REPS1: variants seen among roughly 807,000 people sequenced by gnomAD.
REPS1 encodes ralBP1-associated Eps domain-containing protein 1.
A neutral mutation model predicts 100.9 loss-of-function variants in REPS1; 39 were observed. That is an observed-to-expected ratio of 0.39 (90% CI 0.30 to 0.50). The LOEUF (loss-of-function observed/expected upper bound fraction) is 0.50, where lower values mean the gene tolerates loss of function less well. Among genes scored for constraint, REPS1 ranks in the 20% least tolerant of loss-of-function variants. The pLI, the probability that REPS1 is intolerant of heterozygous loss-of-function variation, is 0.86. For synonymous variants in REPS1, 324 were observed against 340.3 expected, an observed-to-expected ratio of 0.95 and a Z score of 0.53; for missense variants, 821 against 968.5, an observed-to-expected ratio of 0.85 and a Z score of 2.02.
chr6:138,970,952 G>C (rs776925557), intron 1 of REPS1, among the ~76,000 whole-genome samples: 1 of 152,016 alleles, frequency 6.6e-6, no homozygotes, highest in Non-Finnish European at 1.5e-5. Flanking sequence ...AGTAACACCA[G>C]AAGCAAAAAG....
Position 138,933,634 on chromosome 6 carries a change from A to C in REPS1, c.1136-3536T>G, listed in dbSNP as rs1445720501. Among the ~76,000 whole-genome samples the C allele has an allele frequency of 3.9e-5, 6 of 152,340 alleles. No homozygotes were observed. The East Asian group carries it at 9.6e-4, about 24-fold the overall frequency. On this transcript the variant is annotated intron_variant, in intron 8 of 19. Coordinates refer to ENST00000450536, the MANE Select transcript of REPS1 (RefSeq NM_001286611.2). Reference sequence around the variant, plus strand: ...ATGACAATTTCGTTGTCTTCTATTAAGACAGATGTAAAAGAAATTTGCAAA... The same window carrying C: ...ATGACAATTTCGTTGTCTTCTATTACGACAGATGTAAAAGAAATTTGCAAA...
At chr6:138,954,518 A>G in intron 1 of REPS1, among the ~76,000 whole-genome samples, 1 of 151,492 alleles carries the variant, frequency 6.6e-6, no homozygotes. Context: ...AAAAAAAAAA[A>G]AGAATCCCCC....
chr6:138,980,377 T>C (rs1784871303), intron 1 of REPS1, among the ~76,000 whole-genome samples: 1 of 152,166 alleles, frequency 6.6e-6, no homozygotes, highest in South Asian at 2.1e-4. Context: ...TTTTAGTATA[T>C]TTCCACTAAA....
intron 10 of REPS1, 63 bp from the exon 11 acceptor site, chr6:138,921,187 A>G (rs1780731578): frequency 9.0e-7 from 1 of 1,111,076 alleles, no homozygotes; most frequent in Admixed American, 2.2e-5. Flanking sequence ...GCCATGCAAT[A>G]ATCAAAACAA....
At chr6:138,947,035 G>GCTCTCTCTCTCTCTCTCTCT (rs10581264) in intron 2 of REPS1, among the ~76,000 whole-genome samples, 24 of 137,636 alleles carry the variant, frequency 1.7e-4, no homozygotes, top group African/African-American at 4.2e-4. Flanking sequence ...ATTCCCCCTT[G>GCTCTCTCTCTCTCTCTCTCT]CTCTCTCTCT....
intron 1 of REPS1, among the ~76,000 whole-genome samples, chr6:138,959,276 C>A (rs193084922): frequency 6.6e-6 from 1 of 152,100 alleles, no homozygotes; most frequent in African/African-American, 2.4e-5. Context: ...TAAAGGTACA[C>A]GGAAGCTACT....
chr6:138,918,297 G>A (rs1193267153), intron 12 of REPS1, among the ~76,000 whole-genome samples: 1 of 152,082 alleles, frequency 6.6e-6, no homozygotes, highest in African/African-American at 2.4e-5. Context: ...AAGAAATCTA[G>A]AGATTATTTA....
At chr6:138,957,675 T>A (rs1783483765) in intron 1 of REPS1, among the ~76,000 whole-genome samples, 1 of 151,702 alleles carries the variant, frequency 6.6e-6, no homozygotes, top group East Asian at 1.9e-4. Flanking sequence ...ATGACAGAAG[T>A]CTCCAGGAGG....
chr6:138,933,467 A>G (rs923598337), intron 8 of REPS1, among the ~76,000 whole-genome samples: 8 of 152,242 alleles, frequency 5.3e-5, no homozygotes, highest in African/African-American at 1.7e-4. Context: ...TCATTTCAAC[A>G]GTTAAAAAGA....
chr6:138,921,979 G>GTGTGTGTGTA (rs1554285864), intron 10 of REPS1, among the ~76,000 whole-genome samples: 13 of 40,886 alleles, frequency 3.2e-4, no homozygotes, highest in African/African-American at 1.1e-3. Context: ...CTCAAAAAGT[G>GTGTGTGTGTA]TGTGTGTGTG....
In REPS1 at chr6:138,945,705, C is replaced by G. The variant is rs1466677934; in HGVS notation, c.278-8G>C. 6.5e-7 allele frequency: 1 copy of G among 1,534,692 alleles called. No individual in the cohort carries two copies. The highest frequency in any genetic ancestry group is 2.4e-5 in the East Asian group (1 of 42,456). On this transcript the variant is annotated splice_polypyrimidine_tract_variant and splice_region_variant and intron_variant, in intron 2 of 19. Coordinates refer to ENST00000450536, the MANE Select transcript of REPS1 (RefSeq NM_001286611.2). ...GCAGAGGAAGGTCCTTTACTGTTAACCACAAAATAATCATTACTTCAAAAT... is the reference window on the plus strand; with the variant it reads ...GCAGAGGAAGGTCCTTTACTGTTAAGCACAAAATAATCATTACTTCAAAAT...
intron 1 of REPS1, among the ~76,000 whole-genome samples, chr6:138,983,988 C>T (rs1374568635): frequency 1.3e-5 from 2 of 152,128 alleles, no homozygotes. Context: ...AAAGAATAAT[C>T]CTTGCCCCAC....
chr6:138,911,212 C>A, intron 17 of REPS1, 64 bp downstream of exon 17: 1 of 1,118,074 alleles, frequency 8.9e-7, no homozygotes, highest in Non-Finnish European at 1.4e-6. Flanking sequence ...GACCTTATTT[C>A]TAAAAATTAT....
chr6:138,935,050 C>G (rs1388417501), intron 8 of REPS1, among the ~76,000 whole-genome samples: 2 of 152,096 alleles, frequency 1.3e-5, no homozygotes, highest in Admixed American at 1.3e-4. Flanking sequence ...TTATATGCAT[C>G]AAAAAACTAG....
Position 138,907,578 on chromosome 6 carries a change from C to T in REPS1, c.2239G>A (p.Ala747Thr), listed in dbSNP as rs773143591. ...IPRSVGKDKK[A>T]IQASIRRNKE... Reference sequence around the variant, plus strand: ...TTACGTCTAATTGATGCCTGAATAGCTTTCTTATCTTTCCCAACAGATCTG... The same window carrying T: ...TTACGTCTAATTGATGCCTGAATAGTTTTCTTATCTTTCCCAACAGATCTG... Residue 747 changes from alanine to threonine, a missense_variant, in exon 19 of 20, where the codon GCT becomes ACT. Coordinates refer to ENST00000450536, the MANE Select transcript of REPS1 (RefSeq NM_001286611.2). 9.3e-6 allele frequency: 15 copies of T among 1,612,792 alleles called. No homozygotes were observed. The highest frequency in any genetic ancestry group is 2.2e-5 in the South Asian group (2 of 91,048).
chr6:138,905,549 C>G (rs1337090303), intron 19 of REPS1, among the ~76,000 whole-genome samples: 1 of 151,614 alleles, frequency 6.6e-6, no homozygotes, highest in Non-Finnish European at 1.5e-5. Context: ...CCTCGGCCTC[C>G]CAAAGTGCTG....
intron 16 of REPS1, 107 bp downstream of exon 16, chr6:138,912,658 G>T: frequency 9.6e-7 from 1 of 1,040,614 alleles, no homozygotes; most frequent in Non-Finnish European, 1.5e-6. Context: ...CACTGACCCA[G>T]GGAATATTTT....
intron 1 of REPS1, among the ~76,000 whole-genome samples, chr6:138,961,379 G>A (rs1414165435): frequency 6.6e-6 from 1 of 152,124 alleles, no homozygotes; most frequent in East Asian, 1.9e-4. Context: ...TGGGATTACA[G>A]ACGCCCGCCA....
chr6:138,917,017 C>T (rs879554293), intron 13 of REPS1, among the ~76,000 whole-genome samples: 2 of 152,176 alleles, frequency 1.3e-5, no homozygotes, highest in African/African-American at 4.8e-5. Flanking sequence ...ATACTCAACA[C>T]GTGCAAAAAG....
Sources: gnomAD v4.1 joint callset for allele counts (sites outside exome capture counted in the v4.1 genomes callset) on GRCh38, gnomAD v4.1.1 for gene constraint, MANE v1.5 for transcripts, NCBI Gene and HGNC (gene_info 2026-07-23, HGNC 2026-07-21) for gene names.